The following KIT variants were observed in gnomAD, a reference collection of about 807,000 sequenced individuals.
KIT encodes KIT proto-oncogene, receptor tyrosine kinase.
In KIT, 16 loss-of-function variants were observed where a neutral mutation model predicts 105.7. The observed-to-expected ratio is 0.15, with a 90% CI of 0.10 to 0.23. The LOEUF (loss-of-function observed/expected upper bound fraction) is 0.23, where lower values mean the gene tolerates loss of function less well. KIT is among the 10% of genes least tolerant of loss of function. The pLI is 1.00. For synonymous variants in KIT, 438 were observed against 441.1 expected (o/e 0.99, Z 0.09); for missense variants, 858 against 1,213.8 (o/e 0.71, Z 4.36).
At chr4:54,688,955 G>A (rs933333424) in intron 1 of KIT, among the ~76,000 whole-genome samples, 2 of 152,176 alleles carry the variant, frequency 1.3e-5, no homozygotes, top group Non-Finnish European at 2.9e-5. Context: ...TTGGTTGAGT[G>A]ATGGGCTTTC....
intron 1 of KIT, among the ~76,000 whole-genome samples, chr4:54,665,437 G>T (rs964110588): frequency 2.6e-5 from 4 of 152,152 alleles, no homozygotes; most frequent in Admixed American, 1.3e-4. Context: ...GGGCTCTTTA[G>T]ATTATCTCTG....
At chr4:54,680,641 C>T (rs1223271417) in intron 1 of KIT, among the ~76,000 whole-genome samples, 1 of 152,004 alleles carries the variant, frequency 6.6e-6, no homozygotes, top group East Asian at 1.9e-4. Context: ...GATCCACATG[C>T]CCCGGCCTCC....
chr4:54,692,327 G>A (rs938498569), intron 1 of KIT, among the ~76,000 whole-genome samples: 18 of 152,170 alleles, frequency 1.2e-4, no homozygotes, highest in African/African-American at 4.3e-4. Context: ...TACCTCACTT[G>A]ATTCTCAGAA....
At chr4:54,725,115 T>G (rs1196038034) in intron 8 of KIT, among the ~76,000 whole-genome samples, 1 of 151,828 alleles carries the variant, frequency 6.6e-6, no homozygotes, top group Non-Finnish European at 1.5e-5. Flanking sequence ...GTTGTTGTTG[T>G]TGTTGTTGAG....
intron 1 of KIT, among the ~76,000 whole-genome samples, chr4:54,682,489 C>T (rs1247460314): frequency 6.6e-6 from 1 of 151,616 alleles, no homozygotes; most frequent in Non-Finnish European, 1.5e-5. Context: ...AGTGAAGTGG[C>T]ACAGTCTTGG....
At chr4:54,666,865 A>G (rs1227236495) in intron 1 of KIT, among the ~76,000 whole-genome samples, 1 of 152,158 alleles carries the variant, frequency 6.6e-6, no homozygotes, top group Non-Finnish European at 1.5e-5. Context: ...ATAATCCACT[A>G]CTATAGTCAC....
At chr4:54,695,142 T>A (rs986373182) in intron 1 of KIT, among the ~76,000 whole-genome samples, 2 of 152,120 alleles carry the variant, frequency 1.3e-5, no homozygotes, top group Non-Finnish European at 2.9e-5. Flanking sequence ...TTTTTCCCCA[T>A]AGTGTGAGAT....
intron 17 of KIT, among the ~76,000 whole-genome samples, chr4:54,734,767 T>G (rs1336628029): frequency 6.6e-6 from 1 of 152,240 alleles, no homozygotes; most frequent in East Asian, 1.9e-4. Flanking sequence ...GAGTTCTTCA[T>G]TGTTTTTCAT....
intron 7 of KIT, among the ~76,000 whole-genome samples, chr4:54,712,109 G>T (rs1265606073): frequency 2.0e-5 from 3 of 152,068 alleles, no homozygotes; most frequent in Admixed American, 6.6e-5. Flanking sequence ...GGCTGCTCTT[G>T]TGTGATGCTT....
rs778045049 is a variant in KIT, at chr4:54,725,975, G to A, written c.1465G>A (p.Val489Ile). Reference protein sequence around the residue: ...DSSAFKHNGTVECKAYNDVGK... With the variant: ...DSSAFKHNGTIECKAYNDVGK... The stretch of plus-strand genomic sequence containing the variant: ...TAGTGCATTCAAGCACAATGGCACG[G>A]TTGAATGTAAGGCTTACAACGATGT... The change falls in exon 9 of 21, where the codon GTT (valine) becomes ATT (isoleucine). Residue 489 changes from valine (V) to isoleucine (I), a missense_variant. Val to Ile is a conservative substitution (Grantham distance 29). Transcript: ENST00000288135. 1 of 1,614,118 alleles carries A rather than the reference G, an allele frequency of 6.2e-7. No homozygotes were observed. Among genetic ancestry groups the A allele is most frequent in the Non-Finnish European group, 8.5e-7 (1 of 1,179,980 alleles).
chr4:54,735,533 C>G (rs1722880765), intron 17 of KIT, among the ~76,000 whole-genome samples: 1 of 152,086 alleles, frequency 6.6e-6, no homozygotes, highest in African/African-American at 2.4e-5. Flanking sequence ...AGAGAGTTCT[C>G]CAAAGAGTCA....
chr4:54,690,198 G>A (rs1438256105), intron 1 of KIT, among the ~76,000 whole-genome samples: 1 of 152,010 alleles, frequency 6.6e-6, no homozygotes, highest in Non-Finnish European at 1.5e-5. Context: ...TAATACTGCT[G>A]GGAACATTGG....
chr4:54,733,880 A>G (rs564991563), intron 17 of KIT, among the ~76,000 whole-genome samples: 56 of 152,304 alleles, frequency 3.7e-4, no homozygotes, highest in African/African-American at 1.3e-3. Context: ...TCCCATCGCC[A>G]TGGAAAACCA....
intron 1 of KIT, among the ~76,000 whole-genome samples, chr4:54,664,957 A>G (rs905622959): frequency 6.6e-6 from 1 of 151,668 alleles, no homozygotes. Flanking sequence ...CTTTAAATGT[A>G]TATTTCAATA....
rs777287699 is a variant in KIT at position 54,707,183 on chromosome 4, T to C, written c.1011T>C (p.Tyr337=). 2.5e-6 allele frequency: 4 copies of C among 1,599,358 alleles called. No homozygotes were observed. The highest frequency in any genetic ancestry group is 3.4e-6 in the Non-Finnish European group (4 of 1,166,560). Residue 337 remains tyrosine (Y), a synonymous_variant, in exon 6 of 21, where the codon TAT becomes TAC. Transcript: ENST00000288135. ...AAAATGTAGATTTGATTGTTGAATATGAAGCATTCCCCAAACCTGAACACC... is the reference window on the plus strand; with the variant it reads ...AAAATGTAGATTTGATTGTTGAATACGAAGCATTCCCCAAACCTGAACACC... ...DGENVDLIVE[Y]EAFPKPEHQQ... is the part of the protein sequence containing the mutation.
intron 7 of KIT, among the ~76,000 whole-genome samples, chr4:54,710,963 T>C (rs1721121940): frequency 6.6e-6 from 1 of 152,208 alleles, no homozygotes; most frequent in Non-Finnish European, 1.5e-5. Flanking sequence ...CACTATATCC[T>C]TGTACTCCTA....
chr4:54,737,016 G>A (rs969977539), intron 19 of KIT, among the ~76,000 whole-genome samples, 159 bp from the exon 20 acceptor site: 2 of 152,158 alleles, frequency 1.3e-5, no homozygotes, highest in Non-Finnish European at 2.9e-5. Context: ...GAAAGTTTCA[G>A]TAATATTTCA....
rs369412402 is a variant in KIT, at chr4:54,727,879, T to C, written c.1831T>C (p.Leu611=). 22 of 1,613,920 alleles carry C rather than the reference T, an allele frequency of 1.4e-5. No individual in the cohort carries two copies. Among genetic ancestry groups the C allele is most frequent in the Non-Finnish European group, 1.9e-5 (22 of 1,180,016 alleles). ...GGTTGTTGAGGCAACTGCTTATGGC[T>C]TAATTAAGTCAGATGCGGCCATGAC... is the stretch of plus-strand genomic sequence containing the variant. ...GKVVEATAYG[L]IKSDAAMTVA... The change falls in exon 12 of 21, where the codon TTA becomes CTA. Residue 611 remains leucine (L), a synonymous_variant. Coordinates refer to ENST00000288135, the MANE Select transcript of KIT (RefSeq NM_000222.3).
At chr4:54,696,833 C>A (rs185181462) in intron 2 of KIT, among the ~76,000 whole-genome samples, 2 of 152,370 alleles carry the variant, frequency 1.3e-5, no homozygotes, top group East Asian at 3.9e-4. Flanking sequence ...CCTGGTAAGT[C>A]ACCACTTCGC....
Sources: gnomAD v4.1 joint callset for allele counts (sites outside exome capture counted in the v4.1 genomes callset) on GRCh38, gnomAD v4.1.1 for gene constraint, MANE v1.5 for transcripts, NCBI Gene and HGNC (gene_info 2026-07-23, HGNC 2026-07-21) for gene names.